The following LRRC7 variants were observed in gnomAD, a reference collection of about 807,000 sequenced individuals.
The protein encoded by LRRC7 is leucine-rich repeat-containing protein 7.
Under a neutral mutation model 175.7 loss-of-function variants are expected in LRRC7, and 23 were observed. The ratio of observed to expected loss-of-function variants is 0.13; its 90% CI spans 0.09 to 0.19. The LOEUF (loss-of-function observed/expected upper bound fraction) is 0.19. Ranked by LOEUF, LRRC7 falls within the 10% of genes least tolerant of loss-of-function variation. The pLI is 1.00. For missense variants in LRRC7, 1,354 were observed against 1,904.7 expected, an observed-to-expected ratio of 0.71 and a Z score of 5.38; for synonymous variants, 685 against 680.9, an observed-to-expected ratio of 1.01 and a Z score of -0.09.
At chr1:69,905,412 A>T (rs181748167) in intron 7 of LRRC7, among the ~76,000 whole-genome samples, 1 of 151,634 alleles carries the variant, frequency 6.6e-6, no homozygotes, top group Admixed American at 6.6e-5. Context: ...CCCCGCTCCC[A>T]CCACCCCACA....
At chr1:69,858,561 C>T (rs1482850216) in intron 7 of LRRC7, among the ~76,000 whole-genome samples, 1 of 151,636 alleles carries the variant, frequency 6.6e-6, no homozygotes, top group Non-Finnish European at 1.5e-5. Context: ...TTTTTCCTTT[C>T]ATCCTTTGAG....
chr1:69,569,599 G>C (rs1645649387), intron 1 of LRRC7, among the ~76,000 whole-genome samples: 1 of 151,934 alleles, frequency 6.6e-6, no homozygotes, highest in African/African-American at 2.4e-5. Flanking sequence ...GCGGGGGTTG[G>C]GGGACTGTAT....
chr1:70,066,698 C>T (rs554278205), intron 23 of LRRC7, among the ~76,000 whole-genome samples: 1 of 152,142 alleles, frequency 6.6e-6, no homozygotes, highest in Non-Finnish European at 1.5e-5. Flanking sequence ...CATCTGTGCG[C>T]ACCTTTTTGT....
chr1:69,796,743 G>A (rs989999068), intron 4 of LRRC7, among the ~76,000 whole-genome samples: 6 of 151,606 alleles, frequency 4.0e-5, no homozygotes, highest in Admixed American at 2.6e-4. Context: ...GCGGTGAGCC[G>A]AGATTGTACC....
chr1:70,047,362 G>A (rs1014104446), intron 22 of LRRC7, among the ~76,000 whole-genome samples: 5 of 152,122 alleles, frequency 3.3e-5, no homozygotes. Context: ...TGGAAATGGA[G>A]TTGTAGTATC....
intron 2 of LRRC7, among the ~76,000 whole-genome samples, chr1:69,742,239 A>G (rs1470319559): frequency 6.6e-6 from 1 of 152,040 alleles, no homozygotes; most frequent in African/African-American, 2.4e-5. Context: ...TTTACATATG[A>G]AAAACTAAAT....
intron 2 of LRRC7, among the ~76,000 whole-genome samples, chr1:69,742,339 C>T (rs933838030): frequency 2.0e-5 from 3 of 151,766 alleles, no homozygotes; most frequent in Non-Finnish European, 2.9e-5. Context: ...ATAATCATCC[C>T]GCTTTATACA....
Position 69,777,902 on chromosome 1 carries a change from C to A in LRRC7, c.304-14141C>A, listed in dbSNP as rs573380914. ...TGACCCATTCCAAATATAAATATGACCAGACTGTAACCTAAGTTAAGGAAG... is the reference window on the plus strand; with the variant it reads ...TGACCCATTCCAAATATAAATATGAACAGACTGTAACCTAAGTTAAGGAAG... On this transcript the variant is annotated intron_variant, in intron 3 of 26. Transcript: ENST00000651989. Among the ~76,000 whole-genome samples the A allele has an allele frequency of 3.3e-5, 5 of 152,210 alleles. No homozygotes were observed. In the South Asian group the frequency reaches 1.0e-3, roughly 32 times the overall value.
In LRRC7 at chr1:70,127,664, A is replaced by G. The variant is rs1666503086; in HGVS notation, c.*5777A>G. On this transcript the variant is annotated 3_prime_UTR_variant, in exon 27 of 27. Coordinates refer to ENST00000651989, the MANE Select transcript of LRRC7 (RefSeq NM_001370785.2). ...GTAAGAAATGGGCCTGGATTAAGGC[A>G]TGCAGAAATGAGAAGGATACCTCTG... 6.6e-6 allele frequency among the ~76,000 whole-genome samples: 1 copy of G among 152,208 alleles called. No homozygotes were observed. The highest frequency in any genetic ancestry group is 2.4e-5 in the African/African-American group (1 of 41,466).
chr1:70,058,904 A>G (rs1394311394), intron 23 of LRRC7, among the ~76,000 whole-genome samples: 15 of 152,218 alleles, frequency 9.9e-5, no homozygotes, highest in Non-Finnish European at 2.9e-5. Flanking sequence ...CTAAAATGAT[A>G]CTCTTTTAAA....
At chr1:69,836,185 T>A (rs767736190) in intron 6 of LRRC7, among the ~76,000 whole-genome samples, 1 of 152,006 alleles carries the variant, frequency 6.6e-6, no homozygotes, top group Non-Finnish European at 1.5e-5. Flanking sequence ...TGTGACAGCC[T>A]CCATTTACAT....
At chr1:69,919,681 C>T in intron 7 of LRRC7, 3 of 962,432 alleles carry the variant, frequency 3.1e-6, no homozygotes, top group Non-Finnish European at 5.0e-6. Flanking sequence ...CACAATTCAG[C>T]GACTGCAGCT....
intron 5 of LRRC7, among the ~76,000 whole-genome samples, chr1:69,828,432 T>G (rs1035186389): frequency 6.6e-6 from 1 of 152,156 alleles, no homozygotes; most frequent in Non-Finnish European, 1.5e-5. Context: ...TTGCCAGAAT[T>G]TGGTTCCATC....
chr1:69,812,788 T>C (rs1156624530), intron 4 of LRRC7, among the ~76,000 whole-genome samples: 1 of 152,090 alleles, frequency 6.6e-6, no homozygotes, highest in Non-Finnish European at 1.5e-5. Flanking sequence ...ATACAAAAAT[T>C]TATAAGAAAC....
chr1:69,906,481 C>T (rs1172774444), intron 7 of LRRC7, among the ~76,000 whole-genome samples: 5 of 152,012 alleles, frequency 3.3e-5, no homozygotes, highest in Admixed American at 6.6e-5. Flanking sequence ...TACATATGGC[C>T]AGCCAGTTTT....
intron 7 of LRRC7, among the ~76,000 whole-genome samples, chr1:69,918,786 T>A (rs1185289449): frequency 1.3e-5 from 2 of 152,136 alleles, no homozygotes; most frequent in East Asian, 3.9e-4. Context: ...TACGGTCATA[T>A]AAATAAAATG....
At chr1:69,685,909 A>C (rs1661083902) in intron 2 of LRRC7, among the ~76,000 whole-genome samples, 1 of 152,092 alleles carries the variant, frequency 6.6e-6, no homozygotes, top group Non-Finnish European at 1.5e-5. Flanking sequence ...CAAAAAAAAA[A>C]AATCCACAAC....
At position 69,620,473 on chromosome 1, in the gene LRRC7, A is replaced by C. The variant is rs140165142; in HGVS notation, c.2+51832A>C. On this transcript the variant is annotated intron_variant, in intron 1 of 26. Transcript: ENST00000651989. Reference sequence around the variant, plus strand: ...AATGGGGAAGAAGACTAAGTATTACAAGTGCAGGTTTTAATAGTTTGGTCC... The same window carrying C: ...AATGGGGAAGAAGACTAAGTATTACCAGTGCAGGTTTTAATAGTTTGGTCC... 5.9e-4 allele frequency among the ~76,000 whole-genome samples: 90 copies of C among 152,294 alleles called. No homozygotes were observed. The East Asian group carries it at 0.016, about 28-fold the overall frequency.
intron 1 of LRRC7, among the ~76,000 whole-genome samples, chr1:69,574,303 A>C (rs1241219428): frequency 6.6e-6 from 1 of 152,152 alleles, no homozygotes; most frequent in Non-Finnish European, 1.5e-5. Flanking sequence ...TATTGTGAAA[A>C]GCAGAAAAAC....
Sources: allele counts gnomAD v4.1 joint callset (sites outside exome capture counted in the v4.1 genomes callset), GRCh38; gene constraint gnomAD v4.1.1; transcripts MANE v1.5; gene names NCBI Gene and HGNC (gene_info 2026-07-23, HGNC 2026-07-21).